NECTIN1: variants seen among roughly 807,000 people sequenced by gnomAD.
NECTIN1 encodes nectin cell adhesion molecule 1, also known as nectin-1.
Under a neutral mutation model 48.0 loss-of-function variants are expected in NECTIN1, and 23 were observed. The ratio of observed to expected loss-of-function variants is 0.48; its 90% CI spans 0.34 to 0.68. The LOEUF (loss-of-function observed/expected upper bound fraction) is 0.68, where lower values mean the gene tolerates loss of function less well. NECTIN1 is among the 30% of genes least tolerant of loss of function. The probability of loss-of-function intolerance (pLI) is 0.01; values close to 1 mark genes in which losing one functional copy is unlikely to be tolerated. For synonymous variants in NECTIN1, 270 were observed against 288.9 expected, an observed-to-expected ratio of 0.93 and a Z score of 0.66; for missense variants, 591 against 709.9, an observed-to-expected ratio of 0.83 and a Z score of 1.90.
At chr11:119,687,898 A>C (rs1365038623) in intron 1 of NECTIN1, among the ~76,000 whole-genome samples, 1 of 152,020 alleles carries the variant, frequency 6.6e-6, no homozygotes, top group African/African-American at 2.4e-5. Context: ...CGGGGGGGTG[A>C]GTGGAAGGCA....
chr11:119,652,264 A>C (rs1361349556), intron 5 of NECTIN1, among the ~76,000 whole-genome samples: 2 of 152,140 alleles, frequency 1.3e-5, no homozygotes, highest in African/African-American at 2.4e-5. Context: ...TCGAGGCCTC[A>C]TGCCAATCAC....
chr11:119,705,957 C>A lies in NECTIN1; in HGVS notation c.79+22518G>T, dbSNP rs143473156. Among the ~76,000 whole-genome samples the A allele has an allele frequency of 7.1e-3, 1,074 of 151,614 alleles. 18 individuals are homozygous for A. The highest frequency in any genetic ancestry group is 0.025 in the African/African-American group (1,020 of 41,390). On this transcript the variant is annotated intron_variant, in intron 1 of 5. Coordinates refer to ENST00000264025, the MANE Select transcript of NECTIN1 (RefSeq NM_002855.5). ...TCCCATCCTGGGCCTGAGAGGGAGGCGGGGAGGGGCGGGGCAGGGGTGAAG... is the reference window on the plus strand; with the variant it reads ...TCCCATCCTGGGCCTGAGAGGGAGGAGGGGAGGGGCGGGGCAGGGGTGAAG...
chr11:119,700,962 C>T (rs1301629545), intron 1 of NECTIN1, among the ~76,000 whole-genome samples: 3 of 152,080 alleles, frequency 2.0e-5, no homozygotes, highest in Non-Finnish European at 4.4e-5. Context: ...GAACTTACAC[C>T]CAGGAAGTGA....
In NECTIN1 at chr11:119,665,165, C is replaced by T. The variant is rs780243076; in HGVS notation, c.1136G>A (p.Arg379His). Residue 379 changes from arginine to histidine, a missense_variant, in exon 6 of 6, where the codon CGT becomes CAT. Arg to His is a conservative substitution (Grantham distance 29). Transcript: ENST00000264025. The surrounding 1 kb of genome is among the most constrained non-coding windows in gnomAD (Gnocchi z 5.1). ...ACCCTTGAAGGTGTGCCGGCGCCGA[C>T]GCAGGGCGACCACGATCCCGCCGAC... The part of the protein sequence containing the change: ...IVVGGIVVAL[R>H]RRRHTFKGDY... 8.1e-6 allele frequency: 13 copies of T among 1,612,508 alleles called. No individual in the cohort carries two copies. The highest frequency in any genetic ancestry group is 4.4e-5 in the South Asian group (4 of 91,090).
intron 1 of NECTIN1, among the ~76,000 whole-genome samples, chr11:119,693,310 A>G (rs1207039206): frequency 6.6e-6 from 1 of 152,152 alleles, no homozygotes; most frequent in African/African-American, 2.4e-5. Flanking sequence ...TGGGGTGGTG[A>G]GGACCAAGTG....
chr11:119,704,770 C>T (rs796449406), intron 1 of NECTIN1, among the ~76,000 whole-genome samples: 6 of 152,252 alleles, frequency 3.9e-5, no homozygotes, highest in East Asian at 3.9e-4. Flanking sequence ...AGGCTCTCTC[C>T]GGGCAGGTGA....
At chr11:119,724,686 G>A (rs1403534608) in intron 1 of NECTIN1, among the ~76,000 whole-genome samples, 2 of 152,194 alleles carry the variant, frequency 1.3e-5, no homozygotes, top group Non-Finnish European at 2.9e-5. Context: ...TAGTCCCATA[G>A]TGACCCACAG....
intron 5 of NECTIN1, among the ~76,000 whole-genome samples, chr11:119,669,974 TTTTGAGACGGAG>T (rs1050361599): frequency 6.6e-6 from 1 of 152,008 alleles, no homozygotes; most frequent in African/African-American, 2.4e-5. Flanking sequence ...TTTTTTTTTT[TTTTGAGACGGAG>T]TCTTGCTCTG....
chr11:119,680,326 T>A (rs1251110484), intron 1 of NECTIN1, among the ~76,000 whole-genome samples: 1 of 152,202 alleles, frequency 6.6e-6, no homozygotes, highest in East Asian at 1.9e-4. Context: ...GTATACTTCA[T>A]GTCTTTGTAT....
At chr11:119,681,347 A>C (rs10790331) in intron 1 of NECTIN1, among the ~76,000 whole-genome samples, 66,919 of 152,052 alleles carry the variant, frequency 0.44, 15,137 homozygotes, top group East Asian at 0.58. Context: ...GGGGTGTGGG[A>C]TCCAGGAGCC....
chr11:119,726,966 C>T (rs1865917409), intron 1 of NECTIN1, among the ~76,000 whole-genome samples: 1 of 152,160 alleles, frequency 6.6e-6, no homozygotes, highest in Non-Finnish European at 1.5e-5. Flanking sequence ...CCAAGACCAC[C>T]CTCTGGGGGC....
chr11:119,665,019 C>T lies in NECTIN1; in HGVS notation c.1282G>A (p.Ala428Thr). The T allele has an allele frequency of 3.1e-6, 5 of 1,613,862 alleles. No individual in the cohort carries two copies. Among genetic ancestry groups the T allele is most frequent in the Non-Finnish European group, 4.2e-6 (5 of 1,179,924 alleles). ...TAGCTGCTTCCACCCAGTGGGCCGGCCTTCTTCTCGTCGTCTGAGTCGTCG... is the reference window on the plus strand; with the variant it reads ...TAGCTGCTTCCACCCAGTGGGCCGGTCTTCTTCTCGTCGTCTGAGTCGTCG... ...YPDDSDDEKK[A>T]GPLGGSSYEE... Residue 428 changes from alanine to threonine, a missense_variant, in exon 6 of 6, where the codon GCC (alanine) becomes ACC (threonine). Coordinates refer to ENST00000264025, the MANE Select transcript of NECTIN1 (RefSeq NM_002855.5). The surrounding 1 kb of genome is among the most constrained non-coding windows in gnomAD (Gnocchi z 5.1).
chr11:119,646,243 G>A (rs1489002747), intron 5 of NECTIN1, among the ~76,000 whole-genome samples: 1 of 152,226 alleles, frequency 6.6e-6, no homozygotes, highest in Admixed American at 6.5e-5. Context: ...GGAGGCTGGA[G>A]GCCCTGAGCT....
chr11:119,717,400 AGTT>A (rs1865760031), intron 1 of NECTIN1, among the ~76,000 whole-genome samples: 1 of 152,198 alleles, frequency 6.6e-6, no homozygotes, highest in Non-Finnish European at 1.5e-5. Context: ...AAATCTGGGA[AGTT>A]GCTGGGTAGG....
chr11:119,657,154 C>A (rs966676116), downstream of NECTIN1, among the ~76,000 whole-genome samples: 1 of 152,112 alleles, frequency 6.6e-6, no homozygotes, highest in African/African-American at 2.4e-5. Context: ...TAGCATTGTT[C>A]GGCACTCAAA....
Position 119,662,942 on chromosome 11 carries a change from A to T in NECTIN1, c.*1805T>A. The T allele has an allele frequency of 1.0e-5, 10 of 982,852 alleles. No individual in the cohort carries two copies. The highest frequency in any genetic ancestry group is 1.2e-5 in the Non-Finnish European group (10 of 828,824). The allele number at this position is 982,852 out of a possible 1,614,324, so 60.9% of individuals were successfully genotyped here. A position where few individuals can be genotyped will look rare whatever the true frequency, so the allele number is the denominator to read the frequency against. ...GGGGCCAGGGCAGTGAGGGCCAGAC[A>T]ACGACGACCCACCTGCTGGGCCCAG... is the stretch of plus-strand genomic sequence containing the variant. On this transcript the variant is annotated 3_prime_UTR_variant, in exon 6 of 6. Transcript: ENST00000264025. This position sits in a 1 kb window ranked among gnomAD's most constrained non-coding sequence, Gnocchi z 5.3.
At chr11:119,725,163 C>T (rs955627266) in intron 1 of NECTIN1, among the ~76,000 whole-genome samples, 2 of 152,154 alleles carry the variant, frequency 1.3e-5, no homozygotes, top group Non-Finnish European at 2.9e-5. Context: ...GACCCTCTGC[C>T]CCCCAAGCCT....
At chr11:119,700,994 C>T (rs1247108804) in intron 1 of NECTIN1, among the ~76,000 whole-genome samples, 1 of 152,130 alleles carries the variant, frequency 6.6e-6, no homozygotes, top group Non-Finnish European at 1.5e-5. Context: ...GTAAGTGAGA[C>T]TCCCAGCCGT....
intron 1 of NECTIN1, among the ~76,000 whole-genome samples, chr11:119,680,663 A>G (rs1865044657): frequency 6.6e-6 from 1 of 152,222 alleles, no homozygotes; most frequent in African/African-American, 2.4e-5. Context: ...TGCTTGCTGA[A>G]TAAGTCTATC....
Sources: allele counts gnomAD v4.1 joint callset (sites outside exome capture counted in the v4.1 genomes callset), GRCh38; gene constraint gnomAD v4.1.1; non-coding constraint Gnocchi (gnomAD v3.1); transcripts MANE v1.5; gene names NCBI Gene and HGNC (gene_info 2026-07-23, HGNC 2026-07-21).